THOC7: variants seen among roughly 807,000 people sequenced by gnomAD.
THOC7 encodes NIF3L1-binding protein 1.
THOC7 carries 22 observed loss-of-function variants against 33.1 expected under a neutral mutation model. The ratio of observed to expected loss-of-function variants is 0.66; its 90% CI spans 0.47 to 0.95. THOC7 has a LOEUF of 0.95. Ranked by LOEUF, THOC7 falls within the 40% of genes least tolerant of loss-of-function variation. The probability of loss-of-function intolerance (pLI) is 0.00; values close to 1 mark genes in which losing one functional copy is unlikely to be tolerated. For missense variants in THOC7, 184 were observed against 245.3 expected, an observed-to-expected ratio of 0.75 and a Z score of 1.67; for synonymous variants, 77 against 76.8, an observed-to-expected ratio of 1.00 and a Z score of -0.01.
chr3:63,861,793 GTT>G (rs10715557), intron 1 of THOC7: 80 of 145,296 alleles, frequency 5.5e-4, no homozygotes, highest in Non-Finnish European at 6.5e-4. Context: ...GTGTGTGTGT[GTT>G]TTTTTTTTTT....
intron 1 of THOC7, among the ~76,000 whole-genome samples, chr3:63,843,928 T>C (rs1331905286): frequency 6.6e-6 from 1 of 150,952 alleles, no homozygotes; most frequent in Admixed American, 6.6e-5. Flanking sequence ...ACTGTGGATG[T>C]GTGTGTATAT....
chr3:63,847,869 C>A (rs1001990412), intron 1 of THOC7, among the ~76,000 whole-genome samples: 4 of 152,150 alleles, frequency 2.6e-5, no homozygotes, highest in Non-Finnish European at 5.9e-5. Flanking sequence ...TGAATGGACA[C>A]CCATTCAATA....
In THOC7 at chr3:63,835,317, C is replaced by A; in HGVS notation, c.477+7G>T. The A allele has an allele frequency of 1.2e-6, 2 of 1,613,282 alleles. No homozygotes were observed. Among genetic ancestry groups the A allele is most frequent in the Non-Finnish European group, 8.5e-7 (1 of 1,179,592 alleles). On this transcript the variant is annotated splice_region_variant and intron_variant, in intron 6 of 7. Coordinates refer to ENST00000295899, the MANE Select transcript of THOC7 (RefSeq NM_025075.4). Reference sequence around the variant, plus strand: ...AGATCATGAAGGCTAAATATATATGCGAATACCTTATCTTCAACACTTTCT... The same window carrying A: ...AGATCATGAAGGCTAAATATATATGAGAATACCTTATCTTCAACACTTTCT...
At chr3:63,841,799 G>C (rs1701766653) in intron 1 of THOC7, among the ~76,000 whole-genome samples, 1 of 152,156 alleles carries the variant, frequency 6.6e-6, no homozygotes. Flanking sequence ...AATACTAATA[G>C]AATTTTCTTA....
chr3:63,859,363 TTTTA>T, intron 1 of THOC7, among the ~76,000 whole-genome samples: 1 of 152,340 alleles, frequency 6.6e-6, no homozygotes, highest in Non-Finnish European at 1.5e-5. Context: ...CTGAGCTCCC[TTTTA>T]CCTCCTTTTG....
At chr3:63,839,210 T>C (rs901049730) in intron 2 of THOC7, among the ~76,000 whole-genome samples, 1 of 152,062 alleles carries the variant, frequency 6.6e-6, no homozygotes, top group Non-Finnish European at 1.5e-5. Flanking sequence ...AGATTAGATA[T>C]ACGTGTGTGC....
chr3:63,838,443 C>T lies in THOC7; in HGVS notation c.194G>A (p.Gly65Asp). 2 of 1,609,482 alleles carry T rather than the reference C, an allele frequency of 1.2e-6. No homozygotes were observed. The highest frequency in any genetic ancestry group is 1.7e-6 in the Non-Finnish European group (2 of 1,178,238). The change falls in exon 3 of 8, where the codon GGC (glycine) becomes GAC (aspartate). Residue 65 changes from glycine to aspartate, a missense_variant. By Grantham distance (94) the Gly-to-Asp change is moderately conservative. Coordinates refer to ENST00000295899, the MANE Select transcript of THOC7 (RefSeq NM_025075.4). Reference sequence around the variant, plus strand: ...CATATCATATACTAGTAAAGTTTTGCCCATTGAAAATTCACATTGAGACAG... The same window carrying T: ...CATATCATATACTAGTAAAGTTTTGTCCATTGAAAATTCACATTGAGACAG... ...STLSQCEFSM[G>D]KTLLVYDMNL...
At chr3:63,851,510 G>A (rs867856833) in intron 1 of THOC7, among the ~76,000 whole-genome samples, 6 of 152,166 alleles carry the variant, frequency 3.9e-5, no homozygotes, top group Admixed American at 6.5e-5. Flanking sequence ...AGACTAAGTC[G>A]TTACCCAACC....
chr3:63,846,035 A>T (rs1701886671), intron 1 of THOC7: 1 of 220,428 alleles, frequency 4.5e-6, no homozygotes, highest in African/African-American at 2.3e-5. Flanking sequence ...CAGTCCTCTA[A>T]AATCACCTTT....
chr3:63,852,268 A>G (rs746149064), intron 1 of THOC7, among the ~76,000 whole-genome samples: 21 of 152,356 alleles, frequency 1.4e-4, no homozygotes, highest in South Asian at 4.1e-4. Context: ...GGGCACAAGG[A>G]GTCCCTACTA....
chr3:63,846,411 ATT>A (rs1559606088), intron 1 of THOC7, among the ~76,000 whole-genome samples: 9 of 152,020 alleles, frequency 5.9e-5, no homozygotes, highest in African/African-American at 2.2e-4. Context: ...TTATTTAAAA[ATT>A]TTTATTTTTT....
intron 1 of THOC7, among the ~76,000 whole-genome samples, chr3:63,859,183 T>C (rs756545507): frequency 2.6e-5 from 4 of 152,250 alleles, no homozygotes; most frequent in Non-Finnish European, 4.4e-5. Flanking sequence ...ATATTTTGCA[T>C]TGGACTCCCT....
rs373057278 is a variant in THOC7 at position 63,836,354 on chromosome 3, A to G, written c.357T>C (p.Tyr119=). The G allele has an allele frequency of 9.3e-6, 15 of 1,612,314 alleles. No homozygotes were observed. In the African/African-American group the frequency reaches 9.3e-5, roughly 10 times the overall value. ...AKRIRKNRQE[Y]DALAKVIQHH... Reference sequence around the variant, plus strand: ...GCTGAATCACTTTTGCCAAAGCATCATATTCTGTAAGACATAAAAATATTT... The same window carrying G: ...GCTGAATCACTTTTGCCAAAGCATCGTATTCTGTAAGACATAAAAATATTT... Residue 119 remains tyrosine (Y), a synonymous_variant, in exon 5 of 8, where the codon TAT becomes TAC. Coordinates refer to ENST00000295899, the MANE Select transcript of THOC7 (RefSeq NM_025075.4).
At chr3:63,851,548 CT>C in intron 1 of THOC7, among the ~76,000 whole-genome samples, 1 of 152,330 alleles carries the variant, frequency 6.6e-6, no homozygotes, top group South Asian at 2.1e-4. Context: ...AGAATAACAG[CT>C]AATTTCCCAA....
At chr3:63,862,480 G>T (rs906337378) in intron 1 of THOC7, among the ~76,000 whole-genome samples, 7 of 152,198 alleles carry the variant, frequency 4.6e-5, no homozygotes, top group African/African-American at 1.7e-4. Flanking sequence ...GTTCTTGCTT[G>T]TTAGTTCTGG....
At chr3:63,858,767 T>A (rs558487624) in intron 1 of THOC7, among the ~76,000 whole-genome samples, 1 of 152,294 alleles carries the variant, frequency 6.6e-6, no homozygotes, top group African/African-American at 2.4e-5. Flanking sequence ...GGAGAGAAAA[T>A]GGCTTTGTCA....
At chr3:63,836,040 T>G (rs1000126641) in intron 5 of THOC7, among the ~76,000 whole-genome samples, 1 of 152,028 alleles carries the variant, frequency 6.6e-6, no homozygotes, top group Non-Finnish European at 1.5e-5. Flanking sequence ...TAACTGAAAT[T>G]CAATATTTTA....
intron 1 of THOC7, among the ~76,000 whole-genome samples, chr3:63,853,481 T>C (rs1702055867): frequency 6.6e-6 from 1 of 152,218 alleles, no homozygotes; most frequent in Non-Finnish European, 1.5e-5. Flanking sequence ...TCTGATTTCA[T>C]CTGTAAAATG....
At chr3:63,859,088 A>G (rs1457792959) in intron 1 of THOC7, among the ~76,000 whole-genome samples, 1 of 152,194 alleles carries the variant, frequency 6.6e-6, no homozygotes, top group Non-Finnish European at 1.5e-5. Flanking sequence ...GCTTTCCAGG[A>G]GGATGAATGA....
Sources: gnomAD v4.1 joint callset for allele counts (sites outside exome capture counted in the v4.1 genomes callset) on GRCh38, gnomAD v4.1.1 for gene constraint, MANE v1.5 for transcripts, NCBI Gene and HGNC (gene_info 2026-07-23, HGNC 2026-07-21) for gene names.